SOX6: variants seen among roughly 807,000 people sequenced by gnomAD.
SOX6 encodes the protein SRY-box transcription factor 6.
SOX6 carries 11 observed loss-of-function variants against 97.8 expected under a neutral mutation model. The ratio of observed to expected loss-of-function variants is 0.11; its 90% CI spans 0.07 to 0.19. The LOEUF (loss-of-function observed/expected upper bound fraction) is 0.19. SOX6 is among the 10% of genes least tolerant of loss of function. The pLI, the probability that SOX6 is intolerant of heterozygous loss-of-function variation, is 1.00. For missense variants in SOX6, 810 were observed against 1,039.5 expected (o/e 0.78, Z 3.04); for synonymous variants, 360 against 371.4 (o/e 0.97, Z 0.35).
chr11:16,205,436 C>T (rs534126617), intron 4 of SOX6, among the ~76,000 whole-genome samples: 30 of 152,104 alleles, frequency 2.0e-4, no homozygotes, highest in South Asian at 1.0e-3. Flanking sequence ...TTCCCCAGAT[C>T]CTAATTTCCT....
At chr11:16,126,089 C>T (rs1849605803) in intron 6 of SOX6, among the ~76,000 whole-genome samples, 1 of 152,060 alleles carries the variant, frequency 6.6e-6, no homozygotes, top group Non-Finnish European at 1.5e-5. Flanking sequence ...TCACAATACC[C>T]ATGATATGTG....
intron 10 of SOX6, among the ~76,000 whole-genome samples, chr11:16,052,729 G>C (rs1847716497): frequency 6.6e-6 from 1 of 152,076 alleles, no homozygotes; most frequent in South Asian, 2.1e-4. Flanking sequence ...TTTATTCTGA[G>C]ACACAGAACA....
At chr11:16,575,033 C>A (rs1434748161) in intron 4 of SOX6, among the ~76,000 whole-genome samples, 5 of 149,000 alleles carry the variant, frequency 3.4e-5, no homozygotes, top group Non-Finnish European at 7.4e-5. Context: ...GAGTGAGACT[C>A]TGTCTCAAAA....
rs151146396 is a variant in SOX6 at position 16,368,038 on chromosome 11, G to A, written c.-4-26786C>T. Among the ~76,000 whole-genome samples, 135 of 152,084 alleles carry A rather than the reference G, an allele frequency of 8.9e-4. 1 individual carries two copies. In the East Asian group the frequency reaches 0.019, roughly 22 times the overall value. Reference sequence around the variant, plus strand: ...ACTGCATGTCTTTTCACTTAAAGTCGCGGCTTCCATGAACCTATTGATGAT... The same window carrying A: ...ACTGCATGTCTTTTCACTTAAAGTCACGGCTTCCATGAACCTATTGATGAT... On this transcript the variant is annotated intron_variant, in intron 1 of 15. Coordinates refer to the SOX6 transcript ENST00000396356.
intron 1 of SOX6, among the ~76,000 whole-genome samples, chr11:16,468,946 G>A (rs1004530517): frequency 1.3e-5 from 2 of 151,992 alleles, no homozygotes; most frequent in Non-Finnish European, 2.9e-5. Flanking sequence ...GTTCCACCGC[G>A]CATGTTTCAA....
At chr11:16,728,226 T>G (rs1283736699) in intron 2 of SOX6, among the ~76,000 whole-genome samples, 1 of 152,210 alleles carries the variant, frequency 6.6e-6, no homozygotes, top group Non-Finnish European at 1.5e-5. Context: ...ACTCGAGCTC[T>G]GCTAAGGGAC....
At chr11:16,031,586 C>T (rs1278263397) in intron 12 of SOX6, 1 of 152,108 alleles carries the variant, frequency 6.6e-6, no homozygotes, top group African/African-American at 2.4e-5. Flanking sequence ...TAGAGCCCTG[C>T]CATAGAAGAA....
At chr11:16,299,173 T>C (rs1312855337) in intron 3 of SOX6, among the ~76,000 whole-genome samples, 1 of 152,186 alleles carries the variant, frequency 6.6e-6, no homozygotes, top group Non-Finnish European at 1.5e-5. Flanking sequence ...TAGAATATGT[T>C]ATCACTGATA....
In SOX6 at chr11:16,300,724, TAAC is replaced by T. The variant is rs1205531676; in HGVS notation, c.445+17719_445+17721del. 3.9e-5 allele frequency among the ~76,000 whole-genome samples: 6 copies of T among 152,170 alleles called. No homozygotes were observed. Among genetic ancestry groups the T allele is most frequent in the Non-Finnish European group, 5.9e-5 (4 of 68,024 alleles). ...CAGAGAAACCTGCGGCTGTTCACCT[TAAC>T]AACTAGGAAATTCACTTCTACCTAG... On this transcript the variant is annotated intron_variant, in intron 3 of 15. Coordinates refer to ENST00000683767, the MANE Select transcript of SOX6 (RefSeq NM_001367873.1). This position sits in a 1 kb window ranked among gnomAD's most constrained non-coding sequence, Gnocchi z 4.1.
intron 3 of SOX6, among the ~76,000 whole-genome samples, chr11:16,706,805 A>C (rs2134045170): frequency 6.6e-6 from 1 of 152,040 alleles, no homozygotes; most frequent in African/African-American, 2.4e-5. Flanking sequence ...TACCATTAGA[A>C]AACCATTTTT....
intron 1 of SOX6, among the ~76,000 whole-genome samples, chr11:16,455,911 G>C (rs1184978259): frequency 6.6e-6 from 1 of 151,868 alleles, no homozygotes; most frequent in Non-Finnish European, 1.5e-5. Flanking sequence ...ATTACTGGTT[G>C]CTTAAAGAAA....
intron 3 of SOX6, among the ~76,000 whole-genome samples, chr11:16,235,933 G>GT (rs1209909615): frequency 6.6e-6 from 1 of 152,062 alleles, no homozygotes; most frequent in Non-Finnish European, 1.5e-5. Flanking sequence ...ATCAATCAAG[G>GT]AAGGGATAGA....
chr11:16,470,667 G>A (rs1361735487), intron 1 of SOX6, among the ~76,000 whole-genome samples: 1 of 152,076 alleles, frequency 6.6e-6, no homozygotes. Context: ...CTGAGATAGT[G>A]ATCAAAAACA....
chr11:16,678,950 G>C (rs1847905233), intron 3 of SOX6, among the ~76,000 whole-genome samples: 1 of 152,224 alleles, frequency 6.6e-6, no homozygotes, highest in Admixed American at 6.5e-5. Context: ...TGCTCACAAA[G>C]CAGCCAGGAA....
intron 13 of SOX6, among the ~76,000 whole-genome samples, chr11:16,014,591 T>C (rs1310862872): frequency 6.6e-6 from 1 of 152,068 alleles, no homozygotes; most frequent in Non-Finnish European, 1.5e-5. Context: ...AAGTCCTCCT[T>C]TCTAAGTTTT....
chr11:16,560,524 C>T (rs866263575), intron 4 of SOX6, among the ~76,000 whole-genome samples: 11 of 113,736 alleles, frequency 9.7e-5, no homozygotes, highest in African/African-American at 3.2e-4. Flanking sequence ...TATGTTTATA[C>T]GTACATATAT....
chr11:16,330,468 A>G (rs991073369), intron 2 of SOX6, among the ~76,000 whole-genome samples: 1 of 152,140 alleles, frequency 6.6e-6, no homozygotes, highest in African/African-American at 2.4e-5. Context: ...GAGGCAGGAG[A>G]ATCACTTGAA....
At chr11:16,599,770 A>G (rs939943733) in intron 4 of SOX6, among the ~76,000 whole-genome samples, 6 of 152,212 alleles carry the variant, frequency 3.9e-5, no homozygotes, top group Non-Finnish European at 7.3e-5. Context: ...TTTATAATAG[A>G]TTACAACATC....
At chr11:16,724,263 T>C (rs1590065483) in intron 2 of SOX6, among the ~76,000 whole-genome samples, 1 of 152,186 alleles carries the variant, frequency 6.6e-6, no homozygotes, top group East Asian at 1.9e-4. Flanking sequence ...CAGCATAACA[T>C]AGTGATTAAC....
Sources: gnomAD v4.1 joint callset for allele counts (sites outside exome capture counted in the v4.1 genomes callset) on GRCh38, gnomAD v4.1.1 for gene constraint, Gnocchi (gnomAD v3.1) non-coding constraint, MANE v1.5 for transcripts, NCBI Gene and HGNC (gene_info 2026-07-23, HGNC 2026-07-21) for gene names.